The following HMGN5 variants were observed in gnomAD, a reference collection of about 807,000 sequenced individuals.
HMGN5 encodes high mobility group nucleosome binding domain 5.
HMGN5 carries 4 observed loss-of-function variants against 9.5 expected under a neutral mutation model. That is an observed-to-expected ratio of 0.42 (90% CI 0.21 to 0.96). The LOEUF (loss-of-function observed/expected upper bound fraction) is 0.96, where lower values mean the gene tolerates loss of function less well. HMGN5 is among the 40% of genes least tolerant of loss of function. The probability of loss-of-function intolerance (pLI) is 0.30; values close to 1 mark genes in which losing one functional copy is unlikely to be tolerated. For missense variants in HMGN5, 192 were observed against 187.5 expected (o/e 1.02, Z -0.14); for synonymous variants, 55 against 57.1 (o/e 0.96, Z 0.16).
At chrX:81,155,218 GTAAT>G (rs1302574979) in intron 1 of HMGN5, among the ~76,000 whole-genome samples, 1 of 101,242 alleles carries the variant, frequency 9.9e-6, no homozygotes, top group Non-Finnish European at 2.0e-5. Flanking sequence ...TATATAATAT[GTAAT>G]TAGAGAGTGG....
chrX:81,151,265 C>T (rs1033273339), intron 1 of HMGN5, among the ~76,000 whole-genome samples: 5 of 111,295 alleles, frequency 4.5e-5, no homozygotes, highest in East Asian at 2.8e-4. Context: ...TGTAGATATG[C>T]GACATTATTT....
At chrX:81,174,252 T>C (rs769580281) in intron 1 of HMGN5, among the ~76,000 whole-genome samples, 26 of 111,461 alleles carry the variant, frequency 2.3e-4, no homozygotes, top group African/African-American at 8.4e-4. Context: ...TTTTCCTTTT[T>C]ATTTAATTTA....
intron 1 of HMGN5, among the ~76,000 whole-genome samples, chrX:81,200,892 A>G (rs5959841): frequency 0.045 from 5,041 of 111,528 alleles, 284 homozygotes; most frequent in African/African-American, 0.16. Flanking sequence ...TGGAGTTCCT[A>G]ACTCTGGAAT....
intron 1 of HMGN5, among the ~76,000 whole-genome samples, chrX:81,146,818 C>T (rs2147558621): frequency 9.0e-6 from 1 of 111,692 alleles, no homozygotes; most frequent in African/African-American, 3.2e-5. Context: ...AAGGGGATAT[C>T]ACCACCGATC....
chrX:81,138,631 G>A (rs1469524572), intron 1 of HMGN5, among the ~76,000 whole-genome samples: 2 of 111,392 alleles, frequency 1.8e-5, no homozygotes, highest in Non-Finnish European at 3.8e-5. Context: ...GGAAGTTTTA[G>A]TCAGCACAAT....
At chrX:81,188,746 G>A (rs1460464981) in intron 1 of HMGN5, among the ~76,000 whole-genome samples, 1 of 110,051 alleles carries the variant, frequency 9.1e-6, no homozygotes, top group Middle Eastern at 4.7e-3. Context: ...TTGTCCCTGC[G>A]ATAGTTTGCT....
At chrX:81,181,538 T>A (rs1016515795) in intron 1 of HMGN5, among the ~76,000 whole-genome samples, 2 of 111,461 alleles carry the variant, frequency 1.8e-5, no homozygotes, top group Middle Eastern at 4.6e-3. Flanking sequence ...AAATACTAGG[T>A]CTTATTCATT....
At position 81,138,354 on chromosome X, in the gene HMGN5, A is replaced by C. The variant is rs147809212; in HGVS notation, c.-123-16682T>G. ...TTTATTTTTAATTGTTTGTGGGTAC[A>C]TAGTAGGTGCAATATTTATCAACAG... On this transcript the variant is annotated intron_variant, in intron 1 of 6. Coordinates refer to ENST00000358130, the MANE Select transcript of HMGN5 (RefSeq NM_030763.3). Among the ~76,000 whole-genome samples the C allele has an allele frequency of 4.7e-3, 528 of 111,614 alleles. 4 individuals are homozygous for C. The highest frequency in any genetic ancestry group is 0.016 in the African/African-American group (506 of 30,803).
At chrX:81,190,728 C>T (rs1448990660) in intron 1 of HMGN5, among the ~76,000 whole-genome samples, 1 of 111,385 alleles carries the variant, frequency 9.0e-6, no homozygotes, top group East Asian at 2.8e-4. Context: ...GGTCAGTGAT[C>T]CATTTTGAGT....
rs187008411 is a variant in HMGN5, at chrX:81,160,691, G to T, written c.-123-39019C>A. On this transcript the variant is annotated intron_variant, in intron 1 of 6. Transcript: ENST00000358130. Reference sequence around the variant, plus strand: ...CCAGCTTCATCCATATCCCTGCAAAGGACATGATCTCATTCTTTTTTATGG... The same window carrying T: ...CCAGCTTCATCCATATCCCTGCAAATGACATGATCTCATTCTTTTTTATGG... 8.9e-5 allele frequency among the ~76,000 whole-genome samples: 10 copies of T among 111,742 alleles called. No homozygotes were observed. The East Asian group carries it at 2.3e-3, about 25-fold the overall frequency.
chrX:81,161,470 T>A (rs2075397579), intron 1 of HMGN5, among the ~76,000 whole-genome samples: 1 of 111,470 alleles, frequency 9.0e-6, no homozygotes, highest in South Asian at 3.7e-4. Context: ...GTAAGCATAA[T>A]AAAATTGTTG....
At chrX:81,117,072 C>T (rs1333819402) in intron 5 of HMGN5, among the ~76,000 whole-genome samples, 2 of 110,249 alleles carry the variant, frequency 1.8e-5, no homozygotes, top group African/African-American at 6.6e-5. Flanking sequence ...ACCCACCTCA[C>T]GGGGATGTTA....
intron 1 of HMGN5, among the ~76,000 whole-genome samples, chrX:81,199,893 A>C (rs1347228445): frequency 8.9e-6 from 1 of 112,365 alleles, no homozygotes; most frequent in Non-Finnish European, 1.9e-5. Context: ...TAGTTAAACT[A>C]AAGAGCTTCT....
At chrX:81,172,725 A>G (rs757511082) in intron 1 of HMGN5, among the ~76,000 whole-genome samples, 3 of 111,220 alleles carry the variant, frequency 2.7e-5, no homozygotes, top group East Asian at 2.8e-4. Context: ...ATCATAAAAC[A>G]TAACATGATA....
chrX:81,128,485 T>A lies in HMGN5; in HGVS notation c.-123-6813A>T, dbSNP rs141939104. On this transcript the variant is annotated intron_variant, in intron 1 of 6. Transcript: ENST00000358130. Reference sequence around the variant, plus strand: ...TTTACTTGTTGGAATATATATATTGTTTAGTCTACTTCATATACAGACACA... The same window carrying A: ...TTTACTTGTTGGAATATATATATTGATTAGTCTACTTCATATACAGACACA... 6.9e-3 allele frequency among the ~76,000 whole-genome samples: 770 copies of A among 111,587 alleles called. 6 individuals are homozygous for A. The highest frequency in any genetic ancestry group is 0.024 in the African/African-American group (730 of 30,816).
intron 1 of HMGN5, among the ~76,000 whole-genome samples, chrX:81,133,402 G>A (rs2075302918): frequency 1.8e-5 from 2 of 111,314 alleles, no homozygotes; most frequent in Non-Finnish European, 3.8e-5. Context: ...AAAGACACCT[G>A]CAAACATTTG....
chrX:81,128,171 T>A (rs2075289773), intron 1 of HMGN5, among the ~76,000 whole-genome samples: 1 of 111,021 alleles, frequency 9.0e-6, no homozygotes, highest in Non-Finnish European at 1.9e-5. Flanking sequence ...CGTTTTTTAT[T>A]CAGTCTATGC....
At chrX:81,189,107 CTT>C (rs2075486704) in intron 1 of HMGN5, among the ~76,000 whole-genome samples, 1 of 111,745 alleles carries the variant, frequency 8.9e-6, no homozygotes, top group African/African-American at 3.3e-5. Context: ...CTTTATTTCT[CTT>C]TTATGTTTCA....
chrX:81,187,557 T>C (rs1340060815), intron 1 of HMGN5, among the ~76,000 whole-genome samples: 1 of 111,589 alleles, frequency 9.0e-6, no homozygotes, highest in Non-Finnish European at 1.9e-5. Flanking sequence ...ATGGAATATA[T>C]TTTTATATCT....
Sources: allele counts gnomAD v4.1 joint callset (sites outside exome capture counted in the v4.1 genomes callset), GRCh38; gene constraint gnomAD v4.1.1; transcripts MANE v1.5; gene names NCBI Gene and HGNC (gene_info 2026-07-23, HGNC 2026-07-21).